TMEM132C: variants seen among roughly 807,000 people sequenced by gnomAD.
The protein encoded by TMEM132C is transmembrane protein 132C.
Under a neutral mutation model 61.4 loss-of-function variants are expected in TMEM132C, and 29 were observed. That is an observed-to-expected ratio of 0.47 (90% CI 0.35 to 0.64). The LOEUF (loss-of-function observed/expected upper bound fraction) is 0.64. Among genes scored for constraint, TMEM132C ranks in the 30% least tolerant of loss-of-function variants. TMEM132C has a pLI of 0.00. For synonymous variants in TMEM132C, 656 were observed against 633.1 expected (o/e 1.04, Z -0.54); for missense variants, 1,408 against 1,476.9 (o/e 0.95, Z 0.76).
At chr12:128,420,065 G>A (rs191183107) in intron 2 of TMEM132C, among the ~76,000 whole-genome samples, 1 of 152,106 alleles carries the variant, frequency 6.6e-6, no homozygotes, top group African/African-American at 2.4e-5. Context: ...GCATGATGGC[G>A]GGCACAGGTA....
At chr12:128,283,820 C>T (rs1030390619) in intron 1 of TMEM132C, among the ~76,000 whole-genome samples, 2 of 152,104 alleles carry the variant, frequency 1.3e-5, no homozygotes, top group Non-Finnish European at 1.5e-5. Flanking sequence ...ACTCAATCTC[C>T]AGCCCCTGAT....
In TMEM132C at chr12:128,503,299, C is replaced by A. The variant is rs762036770; in HGVS notation, c.975-40658C>A. ...TACAGTTTTCAGAGTCAAGAAAATT[C>A]TCCCACCTTGGATTCAAAACAATGA... On this transcript the variant is annotated intron_variant, in intron 2 of 8. Transcript: ENST00000435159. Among the ~76,000 whole-genome samples, 153 of 152,286 alleles carry A rather than the reference C, an allele frequency of 1.0e-3. 1 individual carries two copies. Among genetic ancestry groups the A allele is most frequent in the Non-Finnish European group, 1.9e-3 (128 of 68,020 alleles).
At chr12:128,645,981 G>A (rs377467463) in intron 4 of TMEM132C, among the ~76,000 whole-genome samples, 240 of 151,918 alleles carry the variant, frequency 1.6e-3, no homozygotes, top group Middle Eastern at 0.01. Context: ...GGATGTGAGT[G>A]TGTTTACTGG....
chr12:128,406,745 C>T (rs1357955895), intron 1 of TMEM132C, among the ~76,000 whole-genome samples: 1 of 152,172 alleles, frequency 6.6e-6, no homozygotes, highest in Non-Finnish European at 1.5e-5. Flanking sequence ...TATTACGAGT[C>T]AGGCACTTGC....
At chr12:128,294,534 C>A (rs1270273881) in intron 1 of TMEM132C, among the ~76,000 whole-genome samples, 2 of 152,188 alleles carry the variant, frequency 1.3e-5, no homozygotes, top group African/African-American at 4.8e-5. Flanking sequence ...CTGTCTTAGT[C>A]TGTTCTAGTT....
At chr12:128,389,875 A>G (rs1364356908) in intron 1 of TMEM132C, among the ~76,000 whole-genome samples, 1 of 152,098 alleles carries the variant, frequency 6.6e-6, no homozygotes, top group East Asian at 1.9e-4. Context: ...TCTGTTTTGT[A>G]TTGTTTCATT....
chr12:128,275,681 A>T (rs576855767), intron 1 of TMEM132C, among the ~76,000 whole-genome samples: 10 of 152,302 alleles, frequency 6.6e-5, no homozygotes, highest in African/African-American at 2.4e-4. Flanking sequence ...GTTGGGGACC[A>T]CTGTGCTAAG....
intron 2 of TMEM132C, among the ~76,000 whole-genome samples, chr12:128,488,973 G>T (rs7957166): frequency 6.6e-6 from 1 of 151,864 alleles, no homozygotes; most frequent in Non-Finnish European, 1.5e-5. Context: ...TTCATGCCAA[G>T]AAAAAAGTTT....
intron 1 of TMEM132C, among the ~76,000 whole-genome samples, chr12:128,310,566 C>T (rs1270517581): frequency 1.3e-5 from 2 of 152,072 alleles, no homozygotes; most frequent in African/African-American, 2.4e-5. Context: ...CGCTATTACA[C>T]CACCTTCCAT....
chr12:128,269,287 G>T (rs1870429116), intron 1 of TMEM132C, among the ~76,000 whole-genome samples: 1 of 151,840 alleles, frequency 6.6e-6, no homozygotes, highest in Non-Finnish European at 1.5e-5. Flanking sequence ...AATTTAACCA[G>T]GCGAACTGGA....
chr12:128,293,911 A>G lies in TMEM132C; in HGVS notation c.85+26424A>G, dbSNP rs923531591. ...GGTATAATGTTTATGTGATCAGAGTAATTATTATAATTACGCATTGTGAAT... is the reference window on the plus strand; with the variant it reads ...GGTATAATGTTTATGTGATCAGAGTGATTATTATAATTACGCATTGTGAAT... On this transcript the variant is annotated intron_variant, in intron 1 of 8. Coordinates refer to ENST00000435159, the MANE Select transcript of TMEM132C (RefSeq NM_001136103.3). 2.6e-5 allele frequency among the ~76,000 whole-genome samples: 4 copies of G among 152,290 alleles called. No homozygotes were observed. In the South Asian group the frequency reaches 8.3e-4, roughly 32 times the overall value.
At chr12:128,276,496 A>G (rs1465275174) in intron 1 of TMEM132C, among the ~76,000 whole-genome samples, 2 of 152,212 alleles carry the variant, frequency 1.3e-5, no homozygotes, top group African/African-American at 4.8e-5. Context: ...CAGCTTAGGC[A>G]TAATTCCATC....
At chr12:128,579,662 C>T (rs556614310) in intron 3 of TMEM132C, among the ~76,000 whole-genome samples, 1 of 152,260 alleles carries the variant, frequency 6.6e-6, no homozygotes, top group African/African-American at 2.4e-5. Context: ...CTACAAAAGG[C>T]CCACAGAGCC....
At chr12:128,502,638 G>A (rs547440671) in intron 2 of TMEM132C, among the ~76,000 whole-genome samples, 2 of 152,350 alleles carry the variant, frequency 1.3e-5, no homozygotes, top group East Asian at 3.9e-4. Context: ...ATGTGCCTCA[G>A]GATGGAGAGG....
At chr12:128,701,907 T>C (rs1396000184) in intron 8 of TMEM132C, among the ~76,000 whole-genome samples, 4 of 151,034 alleles carry the variant, frequency 2.6e-5, no homozygotes, top group African/African-American at 7.3e-5. Flanking sequence ...TTCTTTTTTT[T>C]TTTTTTTTTT....
At chr12:128,504,984 C>T (rs570682245) in intron 2 of TMEM132C, among the ~76,000 whole-genome samples, 5 of 152,012 alleles carry the variant, frequency 3.3e-5, no homozygotes, top group East Asian at 1.9e-4. Flanking sequence ...TACTACTTTA[C>T]GTAGTAAGTA....
intron 1 of TMEM132C, among the ~76,000 whole-genome samples, chr12:128,308,457 G>A (rs1355450732): frequency 6.6e-6 from 1 of 152,164 alleles, no homozygotes; most frequent in Admixed American, 6.5e-5. Flanking sequence ...TAGGAAGGGA[G>A]TTAACCCTAC....
intron 4 of TMEM132C, among the ~76,000 whole-genome samples, chr12:128,661,069 TAGAC>T (rs200205107): frequency 0.025 from 3,793 of 152,172 alleles, 96 homozygotes; most frequent in African/African-American, 0.069. Context: ...CATAAATAGA[TAGAC>T]AGATGATTGA....
chr12:128,637,328 G>A (rs1238182260), intron 4 of TMEM132C, among the ~76,000 whole-genome samples: 1 of 152,138 alleles, frequency 6.6e-6, no homozygotes, highest in Non-Finnish European at 1.5e-5. Context: ...ATGGTAGCAG[G>A]CATTACTCCC....
Sources: gnomAD v4.1 joint callset for allele counts (sites outside exome capture counted in the v4.1 genomes callset) on GRCh38, gnomAD v4.1.1 for gene constraint, MANE v1.5 for transcripts, NCBI Gene and HGNC (gene_info 2026-07-23, HGNC 2026-07-21) for gene names.